The following ARHGAP35 variants were observed in gnomAD, a reference collection of about 807,000 sequenced individuals.
ARHGAP35 encodes rho GTPase-activating protein 35.
Under a neutral mutation model 111.1 loss-of-function variants are expected in ARHGAP35, and 15 were observed. The ratio of observed to expected loss-of-function variants is 0.13; its 90% CI spans 0.09 to 0.21. The LOEUF (loss-of-function observed/expected upper bound fraction) is 0.21. Among genes scored for constraint, ARHGAP35 ranks in the 10% least tolerant of loss-of-function variants. The pLI is 1.00. For missense variants in ARHGAP35, 1,262 were observed against 1,873.0 expected, an observed-to-expected ratio of 0.67 and a Z score of 6.02; for synonymous variants, 643 against 710.3, an observed-to-expected ratio of 0.91 and a Z score of 1.51.
intron 3 of ARHGAP35, among the ~76,000 whole-genome samples, chr19:46,941,051 C>CT (rs1405085583): frequency 2.6e-5 from 4 of 151,980 alleles, no homozygotes; most frequent in African/African-American, 9.7e-5. Flanking sequence ...TCCCACCCTC[C>CT]TTTTTTTTCC....
chr19:46,954,150 C>T (rs1307657039), intron 3 of ARHGAP35, among the ~76,000 whole-genome samples: 1 of 152,162 alleles, frequency 6.6e-6, no homozygotes, highest in South Asian at 2.1e-4. Flanking sequence ...AATAGGCTGG[C>T]CCCTCGATCT....
intron 3 of ARHGAP35, among the ~76,000 whole-genome samples, chr19:46,969,231 C>T (rs1236044462): frequency 6.6e-6 from 1 of 152,172 alleles, no homozygotes; most frequent in Non-Finnish European, 1.5e-5. Context: ...TCTGAATGTG[C>T]TCACAGCCAT....
intron 1 of ARHGAP35, among the ~76,000 whole-genome samples, chr19:46,867,265 A>G (rs533112241): frequency 3.3e-5 from 5 of 152,256 alleles, no homozygotes; most frequent in East Asian, 1.9e-4. Flanking sequence ...TTTTCTTTTT[A>G]TGTACTTTGC....
chr19:46,920,041 C>T lies in ARHGAP35; in HGVS notation c.1366C>T (p.Arg456Cys), dbSNP rs764952547. Residue 456 changes from arginine (R) to cysteine (C), a missense_variant, in exon 2 of 7, where the codon CGT becomes TGT. Coordinates refer to ENST00000672722, the MANE Select transcript of ARHGAP35 (RefSeq NM_004491.5). This position sits in a 1 kb window ranked among gnomAD's most constrained non-coding sequence, Gnocchi z 7.0. Reference protein sequence around the residue: ...ITPGKPWEEARSFIMNEDFYQ... With the variant: ...ITPGKPWEEACSFIMNEDFYQ... ...TCCCGGAAAGCCTTGGGAAGAGGCC[C>T]GTAGTTTTATTATGAATGAGGATTT... is the stretch of plus-strand genomic sequence containing the variant. 9.3e-6 allele frequency: 15 copies of T among 1,613,582 alleles called. No individual in the cohort carries two copies. The highest frequency in any genetic ancestry group is 1.6e-4 in the Middle Eastern group (1 of 6,062).
At chr19:46,895,620 G>A (rs1797577943) in intron 1 of ARHGAP35, among the ~76,000 whole-genome samples, 1 of 152,196 alleles carries the variant, frequency 6.6e-6, no homozygotes, top group Non-Finnish European at 1.5e-5. Context: ...CCATCAATTA[G>A]AAATGGTCTT....
chr19:47,000,594 G>T lies in ARHGAP35; in HGVS notation c.4406G>T (p.Ser1469Ile). 6.2e-7 allele frequency: 1 copy of T among 1,613,166 alleles called. No homozygotes were observed. Among genetic ancestry groups the T allele is most frequent in the Non-Finnish European group, 8.5e-7 (1 of 1,179,752 alleles). The change falls in exon 7 of 7, where the codon AGT (serine) becomes ATT (isoleucine). Residue 1469 changes from serine (S) to isoleucine (I), a missense_variant. By Grantham distance (142) the Ser-to-Ile change is moderately radical (BLOSUM62 -2). This residue lies in a region of ARHGAP35 where 75 missense variants were observed against 87.0 expected (regional missense o/e 0.86). Transcript: ENST00000672722. The surrounding 1 kb of genome is among the most constrained non-coding windows in gnomAD (Gnocchi z 6.9). Reference sequence around the variant, plus strand: ...TTCCTCACTTCCACGCCTGTCACAAGTCAGCCGTCGCCCCCACAGTCGCCT... The same window carrying T: ...TTCCTCACTTCCACGCCTGTCACAATTCAGCCGTCGCCCCCACAGTCGCCT... Reference protein sequence around the residue: ...VPFLTSTPVTSQPSPPQSPPP... With the variant: ...VPFLTSTPVTIQPSPPQSPPP...
chr19:46,880,426 G>A (rs894451487), intron 1 of ARHGAP35, among the ~76,000 whole-genome samples: 3 of 151,868 alleles, frequency 2.0e-5, no homozygotes, highest in African/African-American at 7.3e-5. Context: ...GTGAAACTCC[G>A]TCTCAAAAAA....
At chr19:46,967,617 T>TA (rs1215155315) in intron 3 of ARHGAP35, among the ~76,000 whole-genome samples, 22 of 152,334 alleles carry the variant, frequency 1.4e-4, no homozygotes, top group Non-Finnish European at 2.9e-5. Context: ...TTCACCTGCT[T>TA]AAAACTCATC....
intron 1 of ARHGAP35, among the ~76,000 whole-genome samples, chr19:46,871,449 TCTC>T (rs1476347065): frequency 3.3e-5 from 5 of 152,040 alleles, no homozygotes; most frequent in Admixed American, 2.6e-4. Context: ...TTAAAGCAGT[TCTC>T]CTGCCTCAGC....
chr19:46,957,516 G>A (rs1192772524), intron 3 of ARHGAP35, among the ~76,000 whole-genome samples: 1 of 151,984 alleles, frequency 6.6e-6, no homozygotes, highest in Non-Finnish European at 1.5e-5. Context: ...GGGAGGCTAA[G>A]GTAGGAAGAT....
chr19:46,983,816 A>G (rs538877519), intron 3 of ARHGAP35, among the ~76,000 whole-genome samples: 1 of 151,794 alleles, frequency 6.6e-6, no homozygotes, highest in African/African-American at 2.4e-5. Context: ...GGGGTTTCAC[A>G]ATGTTAACCA....
chr19:46,926,349 A>G lies in ARHGAP35; in HGVS notation c.3681+3993A>G, dbSNP rs775084466. Among the ~76,000 whole-genome samples, 1 of 152,188 alleles carries G rather than the reference A, an allele frequency of 6.6e-6. No individual in the cohort carries two copies. Among genetic ancestry groups the G allele is most frequent in the Non-Finnish European group, 1.5e-5 (1 of 68,038 alleles). ...CTCAGCTGAATGAAATTGAAAATCT[A>G]CGATTGCACTTCAGTAGGGTCCATG... is the stretch of plus-strand genomic sequence containing the variant. On this transcript the variant is annotated intron_variant, in intron 2 of 6. Coordinates refer to ENST00000672722, the MANE Select transcript of ARHGAP35 (RefSeq NM_004491.5). This position sits in a 1 kb window ranked among gnomAD's most constrained non-coding sequence, Gnocchi z 4.1.
intron 2 of ARHGAP35, among the ~76,000 whole-genome samples, chr19:46,924,999 C>A (rs2056229929): frequency 6.6e-6 from 1 of 152,152 alleles, no homozygotes; most frequent in Non-Finnish European, 1.5e-5. Flanking sequence ...TGTGTTCATG[C>A]TGGTAATGAG....
At chr19:46,868,813 A>G (rs1161605197) in intron 1 of ARHGAP35, among the ~76,000 whole-genome samples, 1 of 152,032 alleles carries the variant, frequency 6.6e-6, no homozygotes, top group Non-Finnish European at 1.5e-5. Context: ...CCAATTTACA[A>G]TTAAAAAATA....
rs759688841 is a variant in ARHGAP35 at position 46,920,887 on chromosome 19, G to A, written c.2212G>A (p.Ala738Thr). 1.9e-6 allele frequency: 3 copies of A among 1,613,822 alleles called. No individual in the cohort carries two copies. The highest frequency in any genetic ancestry group is 2.5e-6 in the Non-Finnish European group (3 of 1,179,866). Reference sequence around the variant, plus strand: ...GTGTGTCTTTCTCGACCCTGCTTCTGCTGGCATTGGTTACGGACGCAACAT... The same window carrying A: ...GTGTGTCTTTCTCGACCCTGCTTCTACTGGCATTGGTTACGGACGCAACAT... The part of the protein sequence containing the change: ...LQCVFLDPAS[A>T]GIGYGRNINE... Residue 738 changes from alanine to threonine, a missense_variant, in exon 2 of 7, where the codon GCT becomes ACT. Ala to Thr is a moderately conservative substitution (Grantham distance 58). Transcript: ENST00000672722. This position sits in a 1 kb window ranked among gnomAD's most constrained non-coding sequence, Gnocchi z 7.0.
At position 46,922,996 on chromosome 19, in the gene ARHGAP35, T is replaced by A. The variant is rs891842908; in HGVS notation, c.3681+640T>A. Among the ~76,000 whole-genome samples, 1 of 152,208 alleles carries A rather than the reference T, an allele frequency of 6.6e-6. No homozygotes were observed. Among genetic ancestry groups the A allele is most frequent in the East Asian group, 1.9e-4 (1 of 5,186 alleles). ...CTATCAGTCAGAAACTCGGATTTTA[T>A]TTAGGGATCACAAATGGTGCAGGGA... is the stretch of plus-strand genomic sequence containing the variant. On this transcript the variant is annotated intron_variant, in intron 2 of 6. Transcript: ENST00000672722. This position sits in a 1 kb window ranked among gnomAD's most constrained non-coding sequence, Gnocchi z 4.0.
At chr19:46,936,539 T>C (rs573895711) in intron 2 of ARHGAP35, among the ~76,000 whole-genome samples, 3 of 152,308 alleles carry the variant, frequency 2.0e-5, no homozygotes, top group African/African-American at 7.2e-5. Context: ...ATAATCTGTT[T>C]TCCATTTCAT....
intron 1 of ARHGAP35, among the ~76,000 whole-genome samples, chr19:46,893,020 G>A (rs543866140): frequency 2.6e-5 from 4 of 152,228 alleles, no homozygotes; most frequent in Admixed American, 6.5e-5. Flanking sequence ...ATCCTTCACC[G>A]TCATGGTCCT....
intron 3 of ARHGAP35, among the ~76,000 whole-genome samples, chr19:46,983,549 C>A (rs901661652): frequency 6.7e-6 from 1 of 149,082 alleles, no homozygotes; most frequent in African/African-American, 2.5e-5. Flanking sequence ...TGAATAACAG[C>A]TATGGCTGTT....
Sources: gnomAD v4.1 joint callset for allele counts (sites outside exome capture counted in the v4.1 genomes callset) on GRCh38, gnomAD v4.1.1 for gene constraint, gnomAD v4.1.1 regional missense constraint, Gnocchi (gnomAD v3.1) non-coding constraint, MANE v1.5 for transcripts, NCBI Gene and HGNC (gene_info 2026-07-23, HGNC 2026-07-21) for gene names.